The following PKHD1 variants were observed in gnomAD, a reference collection of about 807,000 sequenced individuals.
PKHD1 encodes fibrocystin.
A neutral mutation model predicts 412.0 loss-of-function variants in PKHD1; 291 were observed. That is an observed-to-expected ratio of 0.71 (90% confidence interval 0.64 to 0.78). PKHD1 has a LOEUF of 0.78. Among genes scored for constraint, PKHD1 ranks in the 30% least tolerant of loss-of-function variants. The pLI, the probability that PKHD1 is intolerant of heterozygous loss-of-function variation, is 0.00. For missense variants in PKHD1, 4,825 were observed against 4,950.7 expected (o/e 0.97, Z 0.76); for synonymous variants, 1,777 against 1,821.5 (o/e 0.98, Z 0.62).
At chr6:51,920,166 G>A (rs1784466594) in intron 37 of PKHD1, among the ~76,000 whole-genome samples, 1 of 152,190 alleles carries the variant, frequency 6.6e-6, no homozygotes. Context: ...ACACTATGTT[G>A]AATAGGCGTG....
chr6:51,666,546 T>G (rs1486203290), intron 60 of PKHD1, among the ~76,000 whole-genome samples: 1 of 152,136 alleles, frequency 6.6e-6, no homozygotes, highest in African/African-American at 2.4e-5. Context: ...TTTATAATTT[T>G]TTTTTAAATT....
chr6:51,729,384 G>C (rs534527779), intron 60 of PKHD1, among the ~76,000 whole-genome samples: 1 of 152,030 alleles, frequency 6.6e-6, no homozygotes, highest in East Asian at 1.9e-4. Flanking sequence ...ATATAAATGA[G>C]TTATACTATC....
At chr6:51,838,565 G>T (rs1298157781) in intron 50 of PKHD1, among the ~76,000 whole-genome samples, 3 of 152,200 alleles carry the variant, frequency 2.0e-5, no homozygotes, top group Non-Finnish European at 4.4e-5. Context: ...GTAGTTTCAG[G>T]ATCAGAACAG....
chr6:51,681,946 G>C (rs539271599), intron 60 of PKHD1, among the ~76,000 whole-genome samples: 6 of 152,058 alleles, frequency 3.9e-5, no homozygotes, highest in Admixed American at 6.6e-5. Flanking sequence ...TAAGAGTTCT[G>C]AGTTTGTCTC....
chr6:51,766,715 A>G (rs897419236), intron 55 of PKHD1, among the ~76,000 whole-genome samples: 6 of 142,994 alleles, frequency 4.2e-5, no homozygotes, highest in African/African-American at 1.7e-4. Flanking sequence ...TGTTATTATT[A>G]TACTTTAAGT....
At chr6:51,788,246 A>G (rs191077683) in intron 53 of PKHD1, among the ~76,000 whole-genome samples, 1 of 152,100 alleles carries the variant, frequency 6.6e-6, no homozygotes, top group Non-Finnish European at 1.5e-5. Flanking sequence ...CCTGGCTGGA[A>G]AAAGAAGTTA....
intron 52 of PKHD1, among the ~76,000 whole-genome samples, chr6:51,811,261 A>C (rs1182049382): frequency 6.6e-6 from 1 of 152,116 alleles, no homozygotes; most frequent in Non-Finnish European, 1.5e-5. Flanking sequence ...AGATCAACTG[A>C]CCTGAAAAAA....
chr6:51,818,717 G>A (rs1765881442), intron 52 of PKHD1, among the ~76,000 whole-genome samples: 1 of 152,168 alleles, frequency 6.6e-6, no homozygotes, highest in Non-Finnish European at 1.5e-5. Context: ...ACGTGGCTAA[G>A]TTTACACTAT....
At chr6:51,629,685 A>G (rs2150291120) in intron 65 of PKHD1, among the ~76,000 whole-genome samples, 1 of 152,280 alleles carries the variant, frequency 6.6e-6, no homozygotes, top group Non-Finnish European at 1.5e-5. Flanking sequence ...TTCATATGTG[A>G]TTTTCCCAAG....
chr6:52,020,308 T>C (rs778600607), intron 33 of PKHD1, among the ~76,000 whole-genome samples: 1 of 152,170 alleles, frequency 6.6e-6, no homozygotes, highest in Non-Finnish European at 1.5e-5. Context: ...ACAGAAAGCT[T>C]ATTAACCAGC....
At chr6:52,018,793 G>A (rs1164276904) in intron 33 of PKHD1, among the ~76,000 whole-genome samples, 1 of 152,154 alleles carries the variant, frequency 6.6e-6, no homozygotes, top group African/African-American at 2.4e-5. Context: ...AGGATTACAG[G>A]CATGAGCCAC....
chr6:51,784,795 G>A (rs985657287), intron 53 of PKHD1, among the ~76,000 whole-genome samples: 1 of 152,064 alleles, frequency 6.6e-6, no homozygotes, highest in African/African-American at 2.4e-5. Flanking sequence ...CGGGACCTTT[G>A]CACTAGCTCT....
At chr6:51,655,152 G>A (rs749385602) in intron 61 of PKHD1, among the ~76,000 whole-genome samples, 1 of 152,062 alleles carries the variant, frequency 6.6e-6, no homozygotes, top group Non-Finnish European at 1.5e-5. Context: ...TTGTCATAGG[G>A]AAGAAAAGAG....
chr6:51,646,355 G>A (rs775069744), intron 63 of PKHD1, among the ~76,000 whole-genome samples: 1 of 152,126 alleles, frequency 6.6e-6, no homozygotes, highest in Non-Finnish European at 1.5e-5. Context: ...AGAGTTTGAG[G>A]CTGTCAGGCA....
At chr6:51,687,500 T>C (rs1777594411) in intron 60 of PKHD1, among the ~76,000 whole-genome samples, 1 of 152,214 alleles carries the variant, frequency 6.6e-6, no homozygotes, top group Non-Finnish European at 1.5e-5. Flanking sequence ...TAGACACCCA[T>C]CTATTCAGTG....
At chr6:51,863,362 C>A (rs1156349616) in intron 48 of PKHD1, among the ~76,000 whole-genome samples, 2 of 152,152 alleles carry the variant, frequency 1.3e-5, no homozygotes, top group African/African-American at 4.8e-5. Flanking sequence ...TCAATACAGT[C>A]AAAAATTCGA....
intron 60 of PKHD1, chr6:51,720,861 C>T: frequency 2.7e-6 from 1 of 371,508 alleles, no homozygotes; most frequent in Non-Finnish European, 3.7e-6. Flanking sequence ...TCATTTTGTA[C>T]ATACAGCATT....
At position 51,867,919 on chromosome 6, in the gene PKHD1, A is replaced by AACCCG; in HGVS notation, c.7672_7676dup (p.Val2560GlyfsTer21). 1 of 1,613,182 alleles carries AACCCG rather than the reference A, an allele frequency of 6.2e-7. No homozygotes were observed. The highest frequency in any genetic ancestry group is 8.5e-7 in the Non-Finnish European group (1 of 1,179,228). ...CTCCTCCACAGGCACTGCCATGGAC[A>AACCCG]ACCCGACCAAAGCTTGAATTGACCA... On this transcript the variant is annotated frameshift_variant, in exon 48 of 67. Coordinates refer to ENST00000371117, the MANE Select transcript of PKHD1 (RefSeq NM_138694.4). LOFTEE classifies it high-confidence loss of function.
In PKHD1 at chr6:51,897,306, G is replaced by T. The variant is rs150415791; in HGVS notation, c.6996+6291C>A. 4.5e-3 allele frequency among the ~76,000 whole-genome samples: 682 copies of T among 152,076 alleles called. 5 individuals are homozygous for T. The highest frequency in any genetic ancestry group is 7.5e-3 in the Non-Finnish European group (508 of 67,934). On this transcript the variant is annotated intron_variant, in intron 43 of 66. Coordinates refer to ENST00000371117, the MANE Select transcript of PKHD1 (RefSeq NM_138694.4). Reference sequence around the variant, plus strand: ...CAAAGGGAAGCCCATCAGACTAACAGCGGATCTCTTGGCAGAAACCCTACA... The same window carrying T: ...CAAAGGGAAGCCCATCAGACTAACATCGGATCTCTTGGCAGAAACCCTACA...
Sources: gnomAD v4.1 joint callset for allele counts (sites outside exome capture counted in the v4.1 genomes callset) on GRCh38, gnomAD v4.1.1 for gene constraint, MANE v1.5 for transcripts, NCBI Gene and HGNC (gene_info 2026-07-23, HGNC 2026-07-21) for gene names.